Variants in ERBB4 observed in about 807,000 individuals in gnomAD.
The protein encoded by ERBB4 is receptor tyrosine-protein kinase erbB-4.
Under a neutral mutation model 158.0 loss-of-function variants are expected in ERBB4, and 42 were observed. The ratio of observed to expected loss-of-function variants is 0.27; its 90% confidence interval spans 0.21 to 0.34. ERBB4 has a LOEUF of 0.34. Among genes scored for constraint, ERBB4 ranks in the 10% least tolerant of loss-of-function variants. ERBB4 has a pLI of 1.00. For synonymous variants in ERBB4, 583 were observed against 558.7 expected, an observed-to-expected ratio of 1.04 and a Z score of -0.61; for missense variants, 1,333 against 1,624.1, an observed-to-expected ratio of 0.82 and a Z score of 3.08.
intron 3 of ERBB4, among the ~76,000 whole-genome samples, chr2:211,909,805 G>T (rs2079497557): frequency 6.6e-6 from 1 of 151,736 alleles, no homozygotes; most frequent in Admixed American, 6.6e-5. Context: ...TTAAATACTC[G>T]ATGTGAGGAG....
intron 20 of ERBB4, among the ~76,000 whole-genome samples, chr2:211,528,582 T>C (rs1461983552): frequency 6.6e-6 from 1 of 152,028 alleles, no homozygotes; most frequent in Non-Finnish European, 1.5e-5. Context: ...ATACAAATTA[T>C]TCCTAAGGAT....
chr2:211,581,890 G>T (rs1233612104), intron 19 of ERBB4, among the ~76,000 whole-genome samples: 1 of 151,898 alleles, frequency 6.6e-6, no homozygotes, highest in Non-Finnish European at 1.5e-5. Context: ...GGCACCTGTA[G>T]TCCCAGCTAC....
intron 1 of ERBB4, among the ~76,000 whole-genome samples, chr2:212,476,328 A>T (rs549717692): frequency 6.6e-6 from 1 of 152,262 alleles, no homozygotes; most frequent in East Asian, 1.9e-4. Flanking sequence ...TTCTATCACT[A>T]GTATACCTAG....
chr2:211,929,701 A>G (rs886780934), intron 3 of ERBB4, among the ~76,000 whole-genome samples: 1 of 152,202 alleles, frequency 6.6e-6, no homozygotes, highest in African/African-American at 2.4e-5. Context: ...TGAATAGAGA[A>G]ATAGAATTAT....
intron 3 of ERBB4, among the ~76,000 whole-genome samples, chr2:211,810,504 G>A (rs1275966904): frequency 2.0e-5 from 3 of 152,054 alleles, no homozygotes; most frequent in East Asian, 3.9e-4. Context: ...CAGAGACTAG[G>A]ATTGCAACCC....
At chr2:212,394,073 C>T (rs151183354) in intron 1 of ERBB4, among the ~76,000 whole-genome samples, 4 of 152,218 alleles carry the variant, frequency 2.6e-5, no homozygotes, top group Admixed American at 2.6e-4. Context: ...CTGCCTTAAA[C>T]TAGTGAATGA....
At chr2:211,799,874 C>T (rs2105886789) in intron 3 of ERBB4, among the ~76,000 whole-genome samples, 1 of 152,118 alleles carries the variant, frequency 6.6e-6, no homozygotes. Flanking sequence ...TCATAAATAC[C>T]CTTTTCAGAG....
intron 1 of ERBB4, among the ~76,000 whole-genome samples, chr2:212,270,836 T>G (rs187895586): frequency 6.7e-6 from 1 of 149,812 alleles, no homozygotes; most frequent in East Asian, 2.0e-4. Context: ...AGGAGAGAAA[T>G]AGAGAGAGAG....
intron 3 of ERBB4, among the ~76,000 whole-genome samples, chr2:211,940,008 G>T (rs1343763740): frequency 2.7e-5 from 4 of 148,986 alleles, no homozygotes; most frequent in South Asian, 4.3e-4. Flanking sequence ...TAGATAGATA[G>T]AGATAGATAT....
chr2:211,950,496 C>T (rs1575424461), intron 2 of ERBB4, among the ~76,000 whole-genome samples: 1 of 152,136 alleles, frequency 6.6e-6, no homozygotes, highest in African/African-American at 2.4e-5. Context: ...GAAAATATAA[C>T]ATTTTATTTA....
intron 1 of ERBB4, among the ~76,000 whole-genome samples, chr2:212,422,488 A>G (rs2091816812): frequency 6.9e-6 from 1 of 145,456 alleles, no homozygotes; most frequent in Admixed American, 6.8e-5. Context: ...ACGGTGTGAG[A>G]CTTGGACTCA....
At chr2:211,811,564 T>G (rs921700909) in intron 3 of ERBB4, among the ~76,000 whole-genome samples, 15 of 152,210 alleles carry the variant, frequency 9.9e-5, no homozygotes, top group Admixed American at 9.2e-4. Flanking sequence ...TTGGCCTGCC[T>G]TGCTAGGTTG....
At chr2:212,079,122 A>C (rs1274906551) in intron 2 of ERBB4, among the ~76,000 whole-genome samples, 1 of 151,158 alleles carries the variant, frequency 6.6e-6, no homozygotes, top group Non-Finnish European at 1.5e-5. Context: ...ATAAAATAAA[A>C]ATTTTTATAT....
At chr2:211,622,113 G>T (rs1285237423) in intron 18 of ERBB4, among the ~76,000 whole-genome samples, 1 of 152,160 alleles carries the variant, frequency 6.6e-6, no homozygotes, top group Non-Finnish European at 1.5e-5. Context: ...TGCAATTTAG[G>T]ACTCTACATT....
chr2:211,730,486 T>C (rs1233627418), intron 5 of ERBB4, among the ~76,000 whole-genome samples: 1 of 151,966 alleles, frequency 6.6e-6, no homozygotes, highest in Non-Finnish European at 1.5e-5. Context: ...CTCTGTCTTC[T>C]CTCCTTCAGT....
At chr2:211,476,528 A>C (rs1319575573) in intron 20 of ERBB4, among the ~76,000 whole-genome samples, 1 of 151,592 alleles carries the variant, frequency 6.6e-6, no homozygotes. Flanking sequence ...GAGTAGAAGA[A>C]TCTAAGTTTC....
chr2:212,318,399 C>T (rs2087392658), intron 1 of ERBB4, among the ~76,000 whole-genome samples: 1 of 151,418 alleles, frequency 6.6e-6, no homozygotes, highest in African/African-American at 2.4e-5. Flanking sequence ...AGAACTTTTT[C>T]CCAGTCTATT....
intron 3 of ERBB4, among the ~76,000 whole-genome samples, chr2:211,825,696 A>C (rs939267480): frequency 6.7e-6 from 1 of 150,230 alleles, no homozygotes; most frequent in Non-Finnish European, 1.5e-5. Context: ...CATTTTATAA[A>C]ACAAAGCTGA....
intron 1 of ERBB4, among the ~76,000 whole-genome samples, chr2:212,530,516 T>C (rs1047006354): frequency 1.3e-5 from 2 of 152,138 alleles, no homozygotes; most frequent in African/African-American, 4.8e-5. Context: ...TGATCTCTAT[T>C]AGGCATCCCC....
Sources: gnomAD v4.1 joint callset for allele counts (sites outside exome capture counted in the v4.1 genomes callset) on GRCh38, gnomAD v4.1.1 for gene constraint, MANE v1.5 for transcripts, NCBI Gene and HGNC (gene_info 2026-07-23, HGNC 2026-07-21) for gene names.